Variants in RBFOX1 observed in about 807,000 individuals in gnomAD.
RBFOX1 encodes RNA binding fox-1 homolog 1, also known as RNA binding protein fox-1 homolog 1.
In RBFOX1, 8 loss-of-function variants were observed where a neutral mutation model predicts 57.7. The observed-to-expected ratio is 0.14, with a 90% CI of 0.08 to 0.25. The LOEUF is 0.25. Ranked by LOEUF, RBFOX1 falls within the 10% of genes least tolerant of loss-of-function variation. The probability of loss-of-function intolerance (pLI) is 1.00; values close to 1 mark genes in which losing one functional copy is unlikely to be tolerated. For synonymous variants in RBFOX1, 326 were observed against 222.4 expected (o/e 1.47, Z -4.15); for missense variants, 611 against 548.5 (o/e 1.11, Z -1.14).
intron 1 of RBFOX1, among the ~76,000 whole-genome samples, chr16:6,230,816 A>G (rs887704736): frequency 5.9e-5 from 9 of 152,174 alleles, no homozygotes; most frequent in African/African-American, 9.7e-5. Context: ...GTACAAAGAG[A>G]TGGAATAGAA....
At chr16:7,604,827 T>C (rs1344375656) in intron 9 of RBFOX1, among the ~76,000 whole-genome samples, 1 of 152,168 alleles carries the variant, frequency 6.6e-6, no homozygotes, top group East Asian at 1.9e-4. Context: ...AAGTCTTATA[T>C]GCAAAAGAAA....
At chr16:5,412,867 A>G (rs1335104441) in intron 1 of RBFOX1, among the ~76,000 whole-genome samples, 1 of 152,158 alleles carries the variant, frequency 6.6e-6, no homozygotes. Context: ...CTGAGCAGAC[A>G]ACTGTGAGCA....
At chr16:7,467,738 C>T (rs563203066) in intron 4 of RBFOX1, among the ~76,000 whole-genome samples, 2 of 152,304 alleles carry the variant, frequency 1.3e-5, no homozygotes, top group East Asian at 3.9e-4. Context: ...CTTATCTTCC[C>T]ATGGTGCACA....
intron 3 of RBFOX1, among the ~76,000 whole-genome samples, chr16:7,010,537 C>CT (rs57373603): frequency 0.18 from 26,163 of 147,854 alleles, 2,634 homozygotes; most frequent in African/African-American, 0.28. Flanking sequence ...CACATCTCCC[C>CT]TTTTTTTTTT....
downstream of RBFOX1, among the ~76,000 whole-genome samples, chr16:5,603,378 C>G (rs964635928): frequency 2.0e-5 from 3 of 149,460 alleles, no homozygotes; most frequent in African/African-American, 7.3e-5. Flanking sequence ...ATGGCTTGCA[C>G]AGTCTCATAG....
chr16:6,013,679 C>G (rs750439068), intron 4 of RBFOX1, among the ~76,000 whole-genome samples: 1 of 152,096 alleles, frequency 6.6e-6, no homozygotes, highest in Non-Finnish European at 1.5e-5. Flanking sequence ...TTGGTTTGCT[C>G]ATCTATTTAA....
chr16:5,576,579 C>T (rs73517593), intron 2 of RBFOX1, among the ~76,000 whole-genome samples: 1 of 152,218 alleles, frequency 6.6e-6, no homozygotes, highest in Non-Finnish European at 1.5e-5. Flanking sequence ...CCCGTAGACC[C>T]TAATGAGGTT....
At chr16:6,508,360 A>G (rs2096165072) in intron 2 of RBFOX1, among the ~76,000 whole-genome samples, 1 of 152,192 alleles carries the variant, frequency 6.6e-6, no homozygotes, top group Admixed American at 6.5e-5. Context: ...CCCGAACATA[A>G]AACTTAAAAC....
chr16:6,848,590 A>T (rs1007686337), intron 3 of RBFOX1, among the ~76,000 whole-genome samples: 1 of 152,088 alleles, frequency 6.6e-6, no homozygotes, highest in Non-Finnish European at 1.5e-5. Flanking sequence ...AACCAAAGAA[A>T]GAATGAAAGA....
At chr16:6,491,968 G>C (rs894888768) in intron 2 of RBFOX1, among the ~76,000 whole-genome samples, 2 of 152,154 alleles carry the variant, frequency 1.3e-5, no homozygotes, top group Non-Finnish European at 2.9e-5. Flanking sequence ...AATTATGCAA[G>C]TGGCTGGATA....
intron 2 of RBFOX1, among the ~76,000 whole-genome samples, chr16:5,498,904 C>G (rs1442058847): frequency 6.6e-6 from 1 of 152,202 alleles, no homozygotes; most frequent in Non-Finnish European, 1.5e-5. Context: ...GTCTGCAGGT[C>G]CATCCTTCTC....
At chr16:7,054,479 G>A (rs968590915) in intron 4 of RBFOX1, among the ~76,000 whole-genome samples, 4 of 142,236 alleles carry the variant, frequency 2.8e-5, no homozygotes, top group Non-Finnish European at 4.5e-5. Flanking sequence ...CTGACCTCGT[G>A]ATCCGCCAGC....
chr16:5,539,477 C>T (rs2044843185), intron 2 of RBFOX1, among the ~76,000 whole-genome samples: 1 of 144,690 alleles, frequency 6.9e-6, no homozygotes, highest in Non-Finnish European at 1.5e-5. Context: ...CAAAAAAAAA[C>T]ACTTGTAATC....
At chr16:6,829,273 A>G (rs1227550227) in intron 3 of RBFOX1, among the ~76,000 whole-genome samples, 1 of 151,982 alleles carries the variant, frequency 6.6e-6, no homozygotes, top group Non-Finnish European at 1.5e-5. Flanking sequence ...GCATAAAAGG[A>G]GAAATCTGAG....
intron 3 of RBFOX1, among the ~76,000 whole-genome samples, chr16:5,662,131 A>G (rs925121576): frequency 6.6e-6 from 1 of 152,096 alleles, no homozygotes; most frequent in Non-Finnish European, 1.5e-5. Context: ...CCTTTGACAA[A>G]CATCTTTCCA....
At position 6,978,605 on chromosome 16, in the gene RBFOX1, C is replaced by T. The variant is rs573148011; in HGVS notation, c.-15-73452C>T. 2.0e-5 allele frequency among the ~76,000 whole-genome samples: 3 copies of T among 152,260 alleles called. 1 individual carries two copies. The South Asian group carries it at 6.2e-4, about 32-fold the overall frequency. On this transcript the variant is annotated intron_variant, in intron 3 of 15. Transcript: ENST00000550418. ...ATTCTGGGTATTACCAGGTTGGGTGCCTTCCACATATTTTCTCTTGTAATC... is the reference window on the plus strand; with the variant it reads ...ATTCTGGGTATTACCAGGTTGGGTGTCTTCCACATATTTTCTCTTGTAATC...
intron 1 of RBFOX1, among the ~76,000 whole-genome samples, chr16:6,245,225 A>G (rs1375263393): frequency 6.6e-6 from 1 of 152,180 alleles, no homozygotes; most frequent in Non-Finnish European, 1.5e-5. Context: ...GGGTTCATGA[A>G]TATAAGCAGA....
At chr16:6,534,321 C>T (rs1225163354) in intron 2 of RBFOX1, among the ~76,000 whole-genome samples, 1 of 151,942 alleles carries the variant, frequency 6.6e-6, no homozygotes. Flanking sequence ...GAGAAGTTAT[C>T]CACCAAAGAG....
intron 4 of RBFOX1, among the ~76,000 whole-genome samples, chr16:7,133,823 C>A (rs1372490752): frequency 6.6e-6 from 1 of 152,108 alleles, no homozygotes; most frequent in Non-Finnish European, 1.5e-5. Context: ...GCTGTCAGCC[C>A]TTTTGTACTC....
Sources: gnomAD v4.1 joint callset for allele counts (sites outside exome capture counted in the v4.1 genomes callset) on GRCh38, gnomAD v4.1.1 for gene constraint, MANE v1.5 for transcripts, NCBI Gene and HGNC (gene_info 2026-07-23, HGNC 2026-07-21) for gene names.